Variants in PUF60 observed in about 807,000 individuals in gnomAD.
PUF60 encodes the protein poly(U) binding splicing factor 60, also known as poly(U)-binding-splicing factor PUF60.
PUF60 carries 10 observed loss-of-function variants against 61.8 expected under a neutral mutation model. The observed-to-expected ratio is 0.16, with a 90% CI of 0.10 to 0.27. The LOEUF is 0.27. Among genes scored for constraint, PUF60 ranks in the 10% least tolerant of loss-of-function variants. The pLI is 1.00. For synonymous variants in PUF60, 353 were observed against 300.9 expected (o/e 1.17, Z -1.79); for missense variants, 371 against 754.0 (o/e 0.49, Z 5.95).
At chr8:143,819,471 G>T (rs1399071647) in intron 5 of PUF60, among the ~76,000 whole-genome samples, 1 of 152,152 alleles carries the variant, frequency 6.6e-6, no homozygotes, top group Non-Finnish European at 1.5e-5. Context: ...CTGGAGCCAG[G>T]CCCTGCCCCT....
intron 4 of PUF60, 40 bp from the exon 5 acceptor site, chr8:143,820,756 G>A (rs768273350): frequency 5.1e-6 from 8 of 1,579,820 alleles, no homozygotes; most frequent in East Asian, 2.2e-5. Context: ...TGTTGGAGCC[G>A]AGCAGTCTCC....
rs188235631 is a variant in PUF60 at position 143,817,926 on chromosome 8, C to T, written c.753G>A (p.Lys251=). ...DIKSVFEAFG[K]IKSCTLARDP... ...CCCGGGCCAGTGTGCAGGACTTGAT[C>T]TTGCCAAAGGCCTCAAACACGCTCT... The change falls in exon 8 of 12, where the codon AAG becomes AAA. Residue 251 remains lysine (K), a synonymous_variant. Coordinates refer to ENST00000526683, the MANE Select transcript of PUF60 (RefSeq NM_078480.3). The surrounding 1 kb of genome is among the most constrained non-coding windows in gnomAD (Gnocchi z 7.4). The T allele has an allele frequency of 3.4e-4, 551 of 1,612,928 alleles. 1 individual carries two copies. The African/African-American group carries it at 6.4e-3, about 19-fold the overall frequency.
In PUF60 at chr8:143,821,586, C is replaced by G; in HGVS notation, c.297+11G>C. The G allele has an allele frequency of 1.9e-6, 3 of 1,539,496 alleles. No individual in the cohort carries two copies. In the South Asian group the frequency reaches 3.6e-5, roughly 18 times the overall value. On this transcript the variant is annotated intron_variant, in intron 4 of 11. Coordinates refer to ENST00000526683, the MANE Select transcript of PUF60 (RefSeq NM_078480.3). ...GTGGGGAGGGCGGTAGAGGCTCCGGCCGGGGCTCACCTGCAGGTTGGTGAG... is the reference window on the plus strand; with the variant it reads ...GTGGGGAGGGCGGTAGAGGCTCCGGGCGGGGCTCACCTGCAGGTTGGTGAG...
rs770673590 is a variant in PUF60, at chr8:143,821,912, C to A, written c.113G>T (p.Gly38Val). The change falls in exon 3 of 12, where the codon GGC (glycine) becomes GTC (valine). Residue 38 changes from glycine to valine, a missense_variant and splice_region_variant. Physicochemically the swap from Gly to Val is moderately radical, Grantham distance 109. This residue lies in a region of PUF60 where 69 missense variants were observed against 64.7 expected (regional missense o/e 1.07). Coordinates refer to ENST00000526683, the MANE Select transcript of PUF60 (RefSeq NM_078480.3). ...AAGDKWKPPQ[G>V]TDSIKMENGQ... ...GTTCTCCATCTTGATGGAGTCTGTG[C>A]CCTGGTAAGGGAGCAGGGGAATCCA... 1 of 1,596,380 alleles carries A rather than the reference C, an allele frequency of 6.3e-7. No individual in the cohort carries two copies. The highest frequency in any genetic ancestry group is 8.5e-7 in the Non-Finnish European group (1 of 1,172,898).
At chr8:143,827,194 G>A (rs569608493) in intron 1 of PUF60, 16 of 338,792 alleles carry the variant, frequency 4.7e-5, no homozygotes, top group Non-Finnish European at 8.7e-5. Flanking sequence ...GGATAAGAAA[G>A]GAGTGGCTAT....
Position 143,817,817 on chromosome 8 carries a change from C to T in PUF60, c.818-35G>A, listed in dbSNP as rs1310605111. On this transcript the variant is annotated intron_variant, in intron 8 of 11. Coordinates refer to ENST00000526683, the MANE Select transcript of PUF60 (RefSeq NM_078480.3). This position sits in a 1 kb window ranked among gnomAD's most constrained non-coding sequence, Gnocchi z 7.4. ...GGAGCAGCAGTGAGCAGGGCCAGCCCCAGCCTCAGGTGGCCCCCATCCCGC... is the reference window on the plus strand; with the variant it reads ...GGAGCAGCAGTGAGCAGGGCCAGCCTCAGCCTCAGGTGGCCCCCATCCCGC... 5 of 1,607,566 alleles carry T rather than the reference C, an allele frequency of 3.1e-6. No individual in the cohort carries two copies. The East Asian group carries it at 6.7e-5, about 22-fold the overall frequency.
intron 4 of PUF60, 99 bp from the exon 5 acceptor site, chr8:143,820,815 G>A (rs1165638668): frequency 5.8e-6 from 7 of 1,205,546 alleles, no homozygotes; most frequent in Middle Eastern, 1.9e-4. Flanking sequence ...CGGAGTCCCC[G>A]CCCTGCCAGG....
intron 3 of PUF60, 29 bp downstream of exon 3, chr8:143,821,789 C>T: frequency 1.9e-6 from 3 of 1,598,686 alleles, no homozygotes; most frequent in Non-Finnish European, 2.6e-6. Flanking sequence ...TGTCCCACAC[C>T]TGCAGTGCCC....
chr8:143,824,805 A>G (rs947145682), intron 1 of PUF60: 4 of 222,688 alleles, frequency 1.8e-5, no homozygotes, highest in African/African-American at 9.2e-5. Flanking sequence ...CACCTTGGCC[A>G]GCCCACAACT....
rs574616059 is a variant in PUF60 at position 143,824,252 on chromosome 8, A to AGGCG, written c.111+57_111+60dup. Reference sequence around the variant, plus strand: ...TCTCTGGGCCCAGGGACGCACAGGCAGGCGGGCGGGCGGGCGGGCAGGCGG... The same window carrying AGGCG: ...TCTCTGGGCCCAGGGACGCACAGGCAGGCGGGCGGGCGGGCGGGCGGGCAGGCGG... On this transcript the variant is annotated intron_variant, in intron 2 of 11. Coordinates refer to ENST00000526683, the MANE Select transcript of PUF60 (RefSeq NM_078480.3). 1.1e-3 allele frequency: 1,597 copies of AGGCG among 1,471,782 alleles called. 3 individuals carry two copies. Among genetic ancestry groups the AGGCG allele is most frequent in the South Asian group, 3.4e-3 (270 of 79,406 alleles). The allele number at this position is 1,471,782 out of a possible 1,614,324, so 91.2% of individuals were successfully genotyped here.
chr8:143,829,213 C>T (rs1818020461), intron 1 of PUF60, 67 bp downstream of exon 1: 1 of 1,234,164 alleles, frequency 8.1e-7, no homozygotes, highest in Non-Finnish European at 1.0e-6. Context: ...CCTCCGCGCC[C>T]AGGCTGGGTC....
intron 2 of PUF60, 111 bp downstream of exon 2, chr8:143,824,202 C>CT (rs1817356992): frequency 2.6e-6 from 3 of 1,155,316 alleles, no homozygotes; most frequent in Non-Finnish European, 3.7e-6. Context: ...CCCGAGGTTC[C>CT]TCCCGCCCCG....
intron 1 of PUF60, chr8:143,827,172 G>C (rs536306284): frequency 3.1e-6 from 1 of 324,974 alleles, no homozygotes. Flanking sequence ...CCAGCACTAC[G>C]AAGAAAGCAC....
Position 143,816,382 on chromosome 8 carries a change from G to A in PUF60, c.*138C>T, listed in dbSNP as rs1436637390. On this transcript the variant is annotated 3_prime_UTR_variant, in exon 12 of 12. Coordinates refer to ENST00000526683, the MANE Select transcript of PUF60 (RefSeq NM_078480.3). ...CGACGGCAGACACACGGACGTTCAG[G>A]GCCAGCAGCATCCGCACCTTTATCC... is the stretch of plus-strand genomic sequence containing the variant. 2 of 974,458 alleles carry A rather than the reference G, an allele frequency of 2.1e-6. No individual in the cohort carries two copies. The highest frequency in any genetic ancestry group is 1.5e-6 in the Non-Finnish European group (1 of 676,054). 60.4% of individuals were successfully genotyped at this position (974,458 alleles called of 1,614,324 possible).
rs1475861721 is a variant in PUF60 at position 143,817,505 on chromosome 8, G to A, written c.1009-39C>T. On this transcript the variant is annotated intron_variant, in intron 9 of 11. Transcript: ENST00000526683. The surrounding 1 kb of genome is among the most constrained non-coding windows in gnomAD (Gnocchi z 7.4). Reference sequence around the variant, plus strand: ...GGTCACCGTGCTCAGTCCCTGGTCTGGCTACTCAAGACCACCTTGAATCAG... The same window carrying A: ...GGTCACCGTGCTCAGTCCCTGGTCTAGCTACTCAAGACCACCTTGAATCAG... 2 of 1,608,338 alleles carry A rather than the reference G, an allele frequency of 1.2e-6. No individual in the cohort carries two copies. Among genetic ancestry groups the A allele is most frequent in the South Asian group, 2.2e-5 (2 of 90,760 alleles).
chr8:143,827,043 C>T (rs138730525), intron 1 of PUF60: 327 of 294,694 alleles, frequency 1.1e-3, no homozygotes, highest in African/African-American at 7.1e-3. Flanking sequence ...TGCCCAGGCT[C>T]CACAGTGAGC....
intron 1 of PUF60, chr8:143,827,359 TGAA>T (rs1288550627): frequency 2.2e-6 from 1 of 456,080 alleles, no homozygotes; most frequent in East Asian, 7.0e-5. Context: ...TGCGTCAAAG[TGAA>T]AAGATGCATC....
At chr8:143,827,616 G>C (rs1376641380) in intron 1 of PUF60, 4 of 356,466 alleles carry the variant, frequency 1.1e-5, no homozygotes, top group Non-Finnish European at 2.2e-5. Context: ...CCTTCTAGAA[G>C]CCTTTCCATC....
chr8:143,816,715 G>A lies in PUF60; in HGVS notation c.1485C>T (p.Arg495=), dbSNP rs749363318. ...EECGKFGAVN[R]VIIYQEKQGE... ...CTTGTTTCTCTTGGTAGATGATGAC[G>A]CGGTTCACGGCCCCGAACTTGCCAC... is the stretch of plus-strand genomic sequence containing the variant. The change falls in exon 12 of 12, where the codon CGC becomes CGT. Residue 495 remains arginine, a synonymous_variant. Coordinates refer to ENST00000526683, the MANE Select transcript of PUF60 (RefSeq NM_078480.3). The A allele has an allele frequency of 5.6e-6, 9 of 1,613,658 alleles. No individual in the cohort carries two copies. Among genetic ancestry groups the A allele is most frequent in the African/African-American group, 2.7e-5 (2 of 74,914 alleles).
Sources: allele counts gnomAD v4.1 joint callset (sites outside exome capture counted in the v4.1 genomes callset), GRCh38; gene constraint gnomAD v4.1.1; regional missense constraint gnomAD v4.1.1; non-coding constraint Gnocchi (gnomAD v3.1); transcripts MANE v1.5; gene names NCBI Gene and HGNC (gene_info 2026-07-23, HGNC 2026-07-21).